The following GABRG2 variants were observed in gnomAD, a reference collection of about 807,000 sequenced individuals.
The protein encoded by GABRG2 is gamma-aminobutyric acid receptor subunit gamma-2.
Under a neutral mutation model 56.4 loss-of-function variants are expected in GABRG2, and 16 were observed. That is an observed-to-expected ratio of 0.28 (90% CI 0.19 to 0.43). The LOEUF (loss-of-function observed/expected upper bound fraction) is 0.43, where lower values mean the gene tolerates loss of function less well. Ranked by LOEUF, GABRG2 falls within the 20% of genes least tolerant of loss-of-function variation. GABRG2 has a pLI of 1.00. For missense variants in GABRG2, 327 were observed against 582.7 expected, an observed-to-expected ratio of 0.56 and a Z score of 4.52; for synonymous variants, 208 against 205.5, an observed-to-expected ratio of 1.01 and a Z score of -0.10.
At chr5:162,122,591 T>TA (rs1421389203) in intron 6 of GABRG2, among the ~76,000 whole-genome samples, 2 of 151,794 alleles carry the variant, frequency 1.3e-5, no homozygotes, top group African/African-American at 4.8e-5. Flanking sequence ...TAATGTTTTT[T>TA]ATCTTCATGA....
intron 1 of GABRG2, among the ~76,000 whole-genome samples, chr5:162,087,727 A>C (rs1400438236): frequency 1.3e-5 from 2 of 152,172 alleles, no homozygotes; most frequent in African/African-American, 4.8e-5. Context: ...TATATCTGTC[A>C]GTGTCTCCCA....
At chr5:162,091,145 C>T (rs193290666) in intron 1 of GABRG2, among the ~76,000 whole-genome samples, 1 of 151,650 alleles carries the variant, frequency 6.6e-6, no homozygotes, top group African/African-American at 2.4e-5. Context: ...ATTTTTCTTC[C>T]TGAAAAACAT....
chr5:162,114,966 T>A (rs1762516411), intron 6 of GABRG2, among the ~76,000 whole-genome samples: 1 of 152,228 alleles, frequency 6.6e-6, no homozygotes, highest in Non-Finnish European at 1.5e-5. Context: ...GTCGTTTTGC[T>A]TTGTTGCCAT....
At chr5:162,123,925 G>A (rs1476572299) in intron 6 of GABRG2, among the ~76,000 whole-genome samples, 5 of 151,804 alleles carry the variant, frequency 3.3e-5, no homozygotes, top group African/African-American at 4.8e-5. Context: ...ATCTTCAAAC[G>A]ACTGGTCATC....
chr5:162,129,410 A>G lies in GABRG2; in HGVS notation c.770-12754A>G, dbSNP rs1763563843. On this transcript the variant is annotated intron_variant, in intron 6 of 9. Transcript: ENST00000639213. ...AAAGATTAAAATGCAAACCCAAACAAAGAACTGTAATACACAACTAGATTC... is the reference window on the plus strand; with the variant it reads ...AAAGATTAAAATGCAAACCCAAACAGAGAACTGTAATACACAACTAGATTC... 2.6e-5 allele frequency: 4 copies of G among 151,974 alleles called. No individual in the cohort carries two copies. In the South Asian group the frequency reaches 8.3e-4, roughly 31 times the overall value. 9.4% of individuals were successfully genotyped at this position (151,974 alleles called of 1,614,324 possible). A position where few individuals can be genotyped will look rare whatever the true frequency, so the allele number is the denominator to read the frequency against.
At chr5:162,121,811 T>C (rs1490030742) in intron 6 of GABRG2, among the ~76,000 whole-genome samples, 3 of 151,938 alleles carry the variant, frequency 2.0e-5, no homozygotes, top group African/African-American at 7.2e-5. Context: ...AGGGAGAAAT[T>C]GGGTTTGATA....
At chr5:162,141,148 T>G (rs1764534331) in intron 6 of GABRG2, among the ~76,000 whole-genome samples, 1 of 152,222 alleles carries the variant, frequency 6.6e-6, no homozygotes, top group African/African-American at 2.4e-5. Context: ...GCCATTCTCC[T>G]GCCTAAGCCT....
intron 1 of GABRG2, among the ~76,000 whole-genome samples, chr5:162,075,777 A>C (rs1759051697): frequency 1.3e-5 from 2 of 152,158 alleles, no homozygotes; most frequent in African/African-American, 4.8e-5. Context: ...GAAAATGAAC[A>C]AACAAACCGT....
chr5:162,137,563 A>G (rs1424820935), intron 6 of GABRG2, among the ~76,000 whole-genome samples: 2 of 152,048 alleles, frequency 1.3e-5, no homozygotes, highest in African/African-American at 4.8e-5. Context: ...TTAAAAATTT[A>G]GGGTTTTTTT....
chr5:162,085,356 T>A, intron 1 of GABRG2, among the ~76,000 whole-genome samples: 1 of 151,962 alleles, frequency 6.6e-6, no homozygotes. Context: ...ATAATTCTAC[T>A]GAAGTGCTTT....
chr5:162,147,489 C>G (rs549978829), intron 7 of GABRG2, among the ~76,000 whole-genome samples: 6 of 151,952 alleles, frequency 3.9e-5, no homozygotes, highest in African/African-American at 1.5e-4. Flanking sequence ...CTCAGCCCCT[C>G]GAGTAGCTGG....
At chr5:162,100,682 A>G (rs142849827) in intron 4 of GABRG2, among the ~76,000 whole-genome samples, 1 of 152,184 alleles carries the variant, frequency 6.6e-6, no homozygotes, top group Non-Finnish European at 1.5e-5. Context: ...ATCCTATTTA[A>G]TGACATCTTC....
intron 6 of GABRG2, among the ~76,000 whole-genome samples, chr5:162,134,162 A>G (rs1039991696): frequency 7.0e-6 from 1 of 142,206 alleles, no homozygotes; most frequent in African/African-American, 2.4e-5. Context: ...TATTTTCTAC[A>G]GAAGGAGTAT....
chr5:162,101,116 CTG>C (rs1173477143), intron 4 of GABRG2, 117 bp from the exon 5 acceptor site: 5 of 750,696 alleles, frequency 6.7e-6, no homozygotes, highest in Admixed American at 4.1e-5. Flanking sequence ...GGGGATCACT[CTG>C]TGTTTTCAAT....
In GABRG2 at chr5:162,149,268, C is replaced by T; in HGVS notation, c.1083C>T (p.Ser361=). ...ATGGCACCTTGCATTATTTTGTCAGCAACCGGAAACCAAGCAAGGACAAAG... is the reference window on the plus strand; with the variant it reads ...ATGGCACCTTGCATTATTTTGTCAGTAACCGGAAACCAAGCAAGGACAAAG... ...VEYGTLHYFV[S]NRKPSKDKDK... The change falls in exon 8 of 10, where the codon AGC becomes AGT. Residue 361 remains serine (S), a synonymous_variant. Transcript: ENST00000639213. 6.2e-7 allele frequency: 1 copy of T among 1,614,136 alleles called. No homozygotes were observed. Among genetic ancestry groups the T allele is most frequent in the Non-Finnish European group, 8.5e-7 (1 of 1,180,028 alleles).
At chr5:162,079,953 C>A (rs1169309601) in intron 1 of GABRG2, among the ~76,000 whole-genome samples, 1 of 151,960 alleles carries the variant, frequency 6.6e-6, no homozygotes, top group African/African-American at 2.4e-5. Flanking sequence ...CTAATTTTTG[C>A]ATTTTTAAAC....
At chr5:162,098,893 C>G (rs1158182225) in intron 4 of GABRG2, 5 of 152,154 alleles carry the variant, frequency 3.3e-5, no homozygotes, top group South Asian at 4.1e-4. Flanking sequence ...TTTTACCTTT[C>G]ATTTCTTTAA....
intron 1 of GABRG2, among the ~76,000 whole-genome samples, chr5:162,091,128 G>A (rs1162128916): frequency 1.3e-5 from 2 of 151,910 alleles, no homozygotes; most frequent in African/African-American, 2.4e-5. Flanking sequence ...TAATGTAGAT[G>A]GCCATTATTT....
intron 6 of GABRG2, among the ~76,000 whole-genome samples, chr5:162,136,354 G>A (rs891349055): frequency 9.2e-5 from 14 of 152,136 alleles, no homozygotes; most frequent in African/African-American, 3.1e-4. Context: ...TGTAGCTCTC[G>A]CGCACTTGAA....
Sources: gnomAD v4.1 joint callset for allele counts (sites outside exome capture counted in the v4.1 genomes callset) on GRCh38, gnomAD v4.1.1 for gene constraint, MANE v1.5 for transcripts, NCBI Gene and HGNC (gene_info 2026-07-23, HGNC 2026-07-21) for gene names.